Variants in FAM107A observed in about 807,000 individuals in gnomAD.
FAM107A encodes actin-associated protein FAM107A.
Under a neutral mutation model 13.7 loss-of-function variants are expected in FAM107A, and 19 were observed. That is an observed-to-expected ratio of 1.38 (90% confidence interval 0.97 to 2.03). FAM107A has a LOEUF of 2.03. FAM107A is among the 30% of genes most tolerant of loss of function. The probability of loss-of-function intolerance (pLI) is 0.00; values close to 1 mark genes in which losing one functional copy is unlikely to be tolerated. For missense variants in FAM107A, 203 were observed against 184.4 expected, an observed-to-expected ratio of 1.10 and a Z score of -0.58; for synonymous variants, 82 against 74.5, an observed-to-expected ratio of 1.10 and a Z score of -0.52.
intron 1 of FAM107A, among the ~76,000 whole-genome samples, chr3:58,619,240 A>C (rs1048195586): frequency 8.6e-4 from 131 of 152,122 alleles, no homozygotes; most frequent in African/African-American, 3.0e-3. Context: ...GGCTCAAGTG[A>C]TCCTCCCTCC....
upstream of FAM107A, among the ~76,000 whole-genome samples, chr3:58,589,825 C>T (rs967568277): frequency 6.6e-6 from 1 of 152,188 alleles, no homozygotes; most frequent in South Asian, 2.1e-4. Context: ...GTTTCTCAGA[C>T]TTTCTTTGTT....
chr3:58,624,794 G>T (rs913375900), intron 1 of FAM107A, among the ~76,000 whole-genome samples: 5 of 152,248 alleles, frequency 3.3e-5, no homozygotes, highest in African/African-American at 7.2e-5. Context: ...TGGCCCAGGG[G>T]TCATGTGCCC....
intron 1 of FAM107A, among the ~76,000 whole-genome samples, chr3:58,598,944 C>G (rs1339139260): frequency 6.6e-6 from 1 of 151,556 alleles, no homozygotes; most frequent in African/African-American, 2.4e-5. Context: ...TTTTTCTTTT[C>G]TTTTTCTTTT....
At chr3:58,590,413 C>T (rs566962887), upstream of FAM107A, among the ~76,000 whole-genome samples, 1 of 152,338 alleles carries the variant, frequency 6.6e-6, no homozygotes, top group African/African-American at 2.4e-5. Context: ...CTCCATGCCA[C>T]CACCTTAGCC....
intron 1 of FAM107A, among the ~76,000 whole-genome samples, chr3:58,607,297 C>T (rs2065803965): frequency 6.6e-6 from 1 of 152,176 alleles, no homozygotes; most frequent in African/African-American, 2.4e-5. Flanking sequence ...ATGGAGCTAA[C>T]TTTGCAGTTG....
intron 1 of FAM107A, among the ~76,000 whole-genome samples, chr3:58,597,850 T>C (rs1350003126): frequency 6.6e-6 from 1 of 152,186 alleles, no homozygotes; most frequent in African/African-American, 2.4e-5. Flanking sequence ...GATACACAGC[T>C]GGCAAGTGGC....
At chr3:58,579,369 G>T (rs1338389484), upstream of FAM107A, among the ~76,000 whole-genome samples, 2 of 152,104 alleles carry the variant, frequency 1.3e-5, no homozygotes, top group Non-Finnish European at 2.9e-5. Context: ...AACTAAGAGG[G>T]TCCTAAATTC....
At chr3:58,623,477 G>A (rs1481271763) in intron 1 of FAM107A, among the ~76,000 whole-genome samples, 1 of 152,196 alleles carries the variant, frequency 6.6e-6, no homozygotes, top group African/African-American at 2.4e-5. Flanking sequence ...AGGACCACGT[G>A]CCATTCCCTG....
chr3:58,567,483 G>T, intron 2 of FAM107A, 119 bp from the exon 3 acceptor site: 1 of 1,128,160 alleles, frequency 8.9e-7, no homozygotes, highest in Non-Finnish European at 1.2e-6. Context: ...CCTCCCTGTA[G>T]CCTTGGAGGT....
intron 1 of FAM107A, among the ~76,000 whole-genome samples, chr3:58,593,307 A>G (rs894705146): frequency 6.6e-6 from 1 of 152,162 alleles, no homozygotes; most frequent in African/African-American, 2.4e-5. Context: ...TTTTTGCAAC[A>G]GGGCTTTATA....
chr3:58,624,456 G>A lies in FAM107A; in HGVS notation c.-70+2960C>T, dbSNP rs150793406. 3.9e-4 allele frequency among the ~76,000 whole-genome samples: 58 copies of A among 148,580 alleles called. 1 individual carries two copies. Among genetic ancestry groups the A allele is most frequent in the African/African-American group, 1.4e-3 (58 of 40,318 alleles). ...ATCTGTCACACCCTCGACCCTTTCA[G>A]TGTTCTTCCATTCTCTCTGCCCACC... On this transcript the variant is annotated intron_variant, in intron 1 of 3. Coordinates refer to the FAM107A transcript ENST00000465970.
At chr3:58,595,592 G>A (rs1186771732) in intron 1 of FAM107A, among the ~76,000 whole-genome samples, 1 of 151,958 alleles carries the variant, frequency 6.6e-6, no homozygotes, top group Non-Finnish European at 1.5e-5. Context: ...TAACTCCACC[G>A]CCTATCCCAA....
At chr3:58,603,767 T>C (rs2065771314) in intron 1 of FAM107A, among the ~76,000 whole-genome samples, 1 of 152,052 alleles carries the variant, frequency 6.6e-6, no homozygotes. Context: ...CTGAGAAGGG[T>C]GCAGCTGTGA....
intron 1 of FAM107A, among the ~76,000 whole-genome samples, chr3:58,596,777 A>T (rs919484318): frequency 6.6e-6 from 1 of 152,190 alleles, no homozygotes; most frequent in Admixed American, 6.5e-5. Context: ...CAAGATCAAG[A>T]TATAAAACAA....
Position 58,566,575 on chromosome 3 carries a change from C to T in FAM107A, c.*13G>A. On this transcript the variant is annotated 3_prime_UTR_variant, in exon 4 of 4. Coordinates refer to ENST00000360997, the MANE Select transcript of FAM107A (RefSeq NM_001076778.3). ...GGCCAGGGTGGGCAGTGGCCTGAGC[C>T]CGGCAGCTGGCCCTACAGCTCTCTC... 1 of 1,603,810 alleles carries T rather than the reference C, an allele frequency of 6.2e-7. No individual in the cohort carries two copies. Among genetic ancestry groups the T allele is most frequent in the African/African-American group, 1.3e-5 (1 of 74,762 alleles).
intron 1 of FAM107A, among the ~76,000 whole-genome samples, chr3:58,575,656 C>G (rs1302049683): frequency 6.6e-6 from 1 of 152,230 alleles, no homozygotes; most frequent in Non-Finnish European, 1.5e-5. Flanking sequence ...CCTTTTCTCT[C>G]TCTAGATAGT....
chr3:58,626,969 A>G (rs1198529650), intron 1 of FAM107A: 2 of 1,535,908 alleles, frequency 1.3e-6, no homozygotes, highest in Admixed American at 2.0e-5. Flanking sequence ...AGAGGTTCCT[A>G]CCTTCTTCCC....
chr3:58,585,872 G>C (rs1234908851), intron 1 of FAM107A, among the ~76,000 whole-genome samples: 1 of 152,182 alleles, frequency 6.6e-6, no homozygotes, highest in Non-Finnish European at 1.5e-5. Flanking sequence ...TCATATATTA[G>C]GTTAACTTCA....
upstream of FAM107A, among the ~76,000 whole-genome samples, chr3:58,582,423 G>A (rs1424424941): frequency 1.3e-5 from 2 of 151,982 alleles, no homozygotes; most frequent in Non-Finnish European, 2.9e-5. Flanking sequence ...GCAGAGAGAT[G>A]CTTTCCTCCC....
Sources: gnomAD v4.1 joint callset for allele counts (sites outside exome capture counted in the v4.1 genomes callset) on GRCh38, gnomAD v4.1.1 for gene constraint, MANE v1.5 for transcripts, NCBI Gene and HGNC (gene_info 2026-07-23, HGNC 2026-07-21) for gene names.